Variants in CENPW observed in about 807,000 individuals in gnomAD.
CENPW encodes cancer-up-regulated gene 2 protein.
A neutral mutation model predicts 11.1 loss-of-function variants in CENPW; 3 were observed. The ratio of observed to expected loss-of-function variants is 0.27; its 90% CI spans 0.12 to 0.70. The LOEUF is 0.70. CENPW is among the 30% of genes least tolerant of loss of function. CENPW has a pLI of 0.77. For synonymous variants in CENPW, 38 were observed against 42.0 expected (o/e 0.91, Z 0.37); for missense variants, 100 against 105.6 (o/e 0.95, Z 0.23).
At chr6:126,373,553 TCTG>T in the CENPW span, among the ~76,000 whole-genome samples, 1 of 152,254 alleles carries the variant, frequency 6.6e-6, no homozygotes, top group African/African-American at 2.4e-5. Flanking sequence ...GGGCAGTTCT[TCTG>T]CTGGTTCACT....
the CENPW span, among the ~76,000 whole-genome samples, chr6:126,416,741 C>G: frequency 6.6e-6 from 1 of 152,226 alleles, no homozygotes; most frequent in Admixed American, 6.5e-5. Context: ...GCACAGAAGT[C>G]AAGAATTGGG....
chr6:126,351,437 A>G (rs1250460526), downstream of CENPW, among the ~76,000 whole-genome samples: 1 of 152,062 alleles, frequency 6.6e-6, no homozygotes, highest in African/African-American at 2.4e-5. Flanking sequence ...GATATGATAA[A>G]TGTATTGGCT....
the CENPW span, among the ~76,000 whole-genome samples, chr6:126,416,188 G>A: frequency 2.0e-5 from 3 of 152,204 alleles, no homozygotes; most frequent in African/African-American, 7.2e-5. Context: ...TTAGCAAAGA[G>A]ACTGGCAGCA....
At chr6:126,362,018 A>G in the CENPW span, among the ~76,000 whole-genome samples, 4 of 152,068 alleles carry the variant, frequency 2.6e-5, no homozygotes, top group Non-Finnish European at 5.9e-5. Flanking sequence ...GGTGTATTAG[A>G]GCACTCAGGC....
chr6:126,461,317 A>G, the CENPW span, among the ~76,000 whole-genome samples: 7 of 151,918 alleles, frequency 4.6e-5, no homozygotes, highest in African/African-American at 9.7e-5. Flanking sequence ...TGAAGGTCCA[A>G]TAAACCTCCT....
At chr6:126,375,017 C>A in the CENPW span, among the ~76,000 whole-genome samples, 1 of 152,202 alleles carries the variant, frequency 6.6e-6, no homozygotes, top group Non-Finnish European at 1.5e-5. Flanking sequence ...CTTTGCTCCT[C>A]AGGTTAATTT....
chr6:126,440,490 A>G, the CENPW span, among the ~76,000 whole-genome samples: 2 of 151,578 alleles, frequency 1.3e-5, no homozygotes, highest in South Asian at 2.1e-4. Flanking sequence ...AATATTCATC[A>G]AAAGATAATT....
chr6:126,430,842 C>T, the CENPW span, among the ~76,000 whole-genome samples: 3 of 151,898 alleles, frequency 2.0e-5, no homozygotes, highest in East Asian at 1.9e-4. Context: ...ATTGCTTGAA[C>T]CTGGGAGGCG....
the CENPW span, among the ~76,000 whole-genome samples, chr6:126,443,259 C>G: frequency 6.6e-6 from 1 of 151,184 alleles, no homozygotes; most frequent in Admixed American, 6.6e-5. Context: ...TGTAAGCCTT[C>G]TTCACCCCTA....
the CENPW span, among the ~76,000 whole-genome samples, chr6:126,397,570 TTG>T: frequency 6.6e-6 from 1 of 152,134 alleles, no homozygotes; most frequent in African/African-American, 2.4e-5. Flanking sequence ...GTGATTTTTT[TTG>T]TGTGTGTGTA....
At chr6:126,413,254 G>C in the CENPW span, among the ~76,000 whole-genome samples, 1,082 of 151,090 alleles carry the variant, frequency 7.2e-3, 12 homozygotes, top group African/African-American at 0.024. Flanking sequence ...TAGATTCAAC[G>C]CAGAAAGAGA....
At chr6:126,376,484 C>T in the CENPW span, among the ~76,000 whole-genome samples, 1 of 152,100 alleles carries the variant, frequency 6.6e-6, no homozygotes, top group East Asian at 1.9e-4. Context: ...CAGTAGGCCT[C>T]TCTTGTCATT....
the CENPW span, among the ~76,000 whole-genome samples, chr6:126,450,090 A>C: frequency 6.6e-6 from 1 of 151,112 alleles, no homozygotes; most frequent in Non-Finnish European, 1.5e-5. Context: ...TTGTAAACCA[A>C]GGTTTAAAGA....
chr6:126,362,748 T>C, the CENPW span, among the ~76,000 whole-genome samples: 1 of 152,188 alleles, frequency 6.6e-6, no homozygotes, highest in Non-Finnish European at 1.5e-5. Flanking sequence ...AATTCTTTTT[T>C]CTATGTCCTG....
the CENPW span, among the ~76,000 whole-genome samples, chr6:126,368,209 A>G: frequency 6.6e-6 from 1 of 152,358 alleles, no homozygotes; most frequent in Non-Finnish European, 1.5e-5. Flanking sequence ...GGGGAATAAA[A>G]TGAGAAACAG....
At chr6:126,444,990 T>G in the CENPW span, among the ~76,000 whole-genome samples, 1 of 151,172 alleles carries the variant, frequency 6.6e-6, no homozygotes, top group African/African-American at 2.4e-5. Flanking sequence ...TCTTCTTAGG[T>G]TGGGCACTTG....
chr6:126,445,236 A>G, the CENPW span, among the ~76,000 whole-genome samples: 22 of 151,086 alleles, frequency 1.5e-4, no homozygotes, highest in Non-Finnish European at 1.0e-4. Flanking sequence ...TTTCTCCCAT[A>G]CAGGGGCTGA....
the CENPW span, among the ~76,000 whole-genome samples, chr6:126,478,763 A>G: frequency 2.0e-5 from 3 of 151,984 alleles, no homozygotes; most frequent in Non-Finnish European, 4.4e-5. Flanking sequence ...GCTAAAAATG[A>G]TGGCTCACAG....
At chr6:126,375,595 C>T in the CENPW span, among the ~76,000 whole-genome samples, 1 of 151,796 alleles carries the variant, frequency 6.6e-6, no homozygotes, top group Non-Finnish European at 1.5e-5. Context: ...CTTTTTTTTC[C>T]CTAATTCAGT....
Sources: allele counts gnomAD v4.1 joint callset (sites outside exome capture counted in the v4.1 genomes callset), GRCh38; gene constraint gnomAD v4.1.1; transcripts MANE v1.5; gene names NCBI Gene and HGNC (gene_info 2026-07-23, HGNC 2026-07-21).